Variants in HSD17B11 observed in about 807,000 individuals in gnomAD.
HSD17B11 encodes the protein hydroxysteroid 17-beta dehydrogenase 11, also known as estradiol 17-beta-dehydrogenase 11.
A neutral mutation model predicts 27.8 loss-of-function variants in HSD17B11; 22 were observed. The observed-to-expected ratio is 0.79, with a 90% confidence interval of 0.56 to 1.13. The LOEUF is 1.13. Ranked by LOEUF, HSD17B11 falls within the 50% of genes most tolerant of loss-of-function variation. The pLI is 0.00. For missense variants in HSD17B11, 314 were observed against 351.1 expected, an observed-to-expected ratio of 0.89 and a Z score of 0.84; for synonymous variants, 117 against 132.8, an observed-to-expected ratio of 0.88 and a Z score of 0.82.
At chr4:87,379,392 C>G (rs779549189) in intron 2 of HSD17B11, among the ~76,000 whole-genome samples, 1 of 149,898 alleles carries the variant, frequency 6.7e-6, no homozygotes, top group Non-Finnish European at 1.5e-5. Context: ...CTTGCTTGTA[C>G]CTAACTAACT....
chr4:87,381,259 T>A (rs1439878990), intron 2 of HSD17B11, among the ~76,000 whole-genome samples: 7 of 149,978 alleles, frequency 4.7e-5, no homozygotes, highest in Non-Finnish European at 5.9e-5. Flanking sequence ...TCTTGCTGAA[T>A]CACACTTTTT....
At position 87,370,752 on chromosome 4, in the gene HSD17B11, A is replaced by ATTATT. The variant is rs1339921761; in HGVS notation, c.557+1952_557+1956dup. On this transcript the variant is annotated intron_variant, in intron 4 of 6. Coordinates refer to ENST00000358290, the MANE Select transcript of HSD17B11 (RefSeq NM_016245.5). ...TATTATTATTATTATTATTATTATTATTATTTTTTTTTTTTTTTGAGACGG... is the reference window on the plus strand; with the variant it reads ...TATTATTATTATTATTATTATTATTATTATTTTATTTTTTTTTTTTTTTGAGACGG... 1.3e-4 allele frequency among the ~76,000 whole-genome samples: 7 copies of ATTATT among 53,048 alleles called. No individual in the cohort carries two copies. In the African/African-American group the frequency reaches 1.5e-3, roughly 11 times the overall value. 34.8% of individuals were successfully genotyped at this position (53,048 alleles called of 152,430 possible). A position where few individuals can be genotyped will look rare whatever the true frequency, so the allele number is the denominator to read the frequency against.
intron 5 of HSD17B11, among the ~76,000 whole-genome samples, chr4:87,344,443 T>A (rs1735230106): frequency 6.6e-6 from 1 of 152,142 alleles, no homozygotes; most frequent in Admixed American, 6.5e-5. Flanking sequence ...GAAAAAAACA[T>A]TTAACTAAAA....
chr4:87,340,383 CCATTT>C (rs1320818179), intron 6 of HSD17B11, 102 bp downstream of exon 6: 12 of 654,932 alleles, frequency 1.8e-5, no homozygotes, highest in Middle Eastern at 4.1e-4. Context: ...TAAGTCAATT[CCATTT>C]AACTGTACTT....
chr4:87,342,428 C>T (rs1735187527), intron 5 of HSD17B11, among the ~76,000 whole-genome samples: 1 of 150,412 alleles, frequency 6.6e-6, no homozygotes, highest in South Asian at 2.1e-4. Flanking sequence ...CTGGATGTGC[C>T]AGGCAGAGTG....
At chr4:87,344,790 A>G (rs1342481297) in intron 5 of HSD17B11, among the ~76,000 whole-genome samples, 7 of 152,362 alleles carry the variant, frequency 4.6e-5, no homozygotes, top group Admixed American at 3.9e-4. Context: ...TTAAAGTTAT[A>G]CAAACTATGT....
chr4:87,358,861 T>C (rs1159592124), intron 4 of HSD17B11, among the ~76,000 whole-genome samples: 4 of 152,194 alleles, frequency 2.6e-5, no homozygotes, highest in Non-Finnish European at 4.4e-5. Context: ...GGTTTGGCTG[T>C]GTCCCCACCC....
At position 87,357,226 on chromosome 4, in the gene HSD17B11, T is replaced by C. The variant is rs1735404297; in HGVS notation, c.695+53A>G. On this transcript the variant is annotated intron_variant, in intron 5 of 6. Coordinates refer to ENST00000358290, the MANE Select transcript of HSD17B11 (RefSeq NM_016245.5). Reference sequence around the variant, plus strand: ...AAAACATTTAGGAAAACCCACAGAATGGCTGGTATTCATAGCAACCACCAA... The same window carrying C: ...AAAACATTTAGGAAAACCCACAGAACGGCTGGTATTCATAGCAACCACCAA... 4 of 1,563,636 alleles carry C rather than the reference T, an allele frequency of 2.6e-6. No homozygotes were observed. In the African/African-American group the frequency reaches 5.5e-5, roughly 22 times the overall value.
intron 2 of HSD17B11, among the ~76,000 whole-genome samples, chr4:87,378,928 A>T (rs1430918698): frequency 8.2e-5 from 1 of 12,160 alleles, no homozygotes; most frequent in Admixed American, 1.3e-3. Context: ...AAATATATAT[A>T]AATATATATA....
intron 1 of HSD17B11, among the ~76,000 whole-genome samples, chr4:87,389,624 A>G (rs952434272): frequency 4.6e-5 from 7 of 152,226 alleles, no homozygotes; most frequent in African/African-American, 1.7e-4. Flanking sequence ...AGCAGCAGAC[A>G]GTCATTATTT....
intron 2 of HSD17B11, among the ~76,000 whole-genome samples, chr4:87,381,505 C>T (rs1424017267): frequency 2.0e-5 from 3 of 152,038 alleles, no homozygotes; most frequent in Non-Finnish European, 4.4e-5. Context: ...TGCCTATAAT[C>T]CCAGGACTTT....
At chr4:87,353,976 C>T (rs1578035683) in intron 5 of HSD17B11, among the ~76,000 whole-genome samples, 2 of 152,234 alleles carry the variant, frequency 1.3e-5, no homozygotes, top group East Asian at 3.9e-4. Flanking sequence ...CATATCTGTC[C>T]CTTCTCTTCT....
chr4:87,389,607 A>C (rs920997877), intron 1 of HSD17B11, among the ~76,000 whole-genome samples: 27 of 152,160 alleles, frequency 1.8e-4, no homozygotes, highest in African/African-American at 5.6e-4. Flanking sequence ...CCTATCCCTA[A>C]TGTCTAAGCA....
chr4:87,389,965 T>G (rs1474874273), intron 1 of HSD17B11, among the ~76,000 whole-genome samples: 1 of 152,148 alleles, frequency 6.6e-6, no homozygotes, highest in Non-Finnish European at 1.5e-5. Context: ...AAAAATGTTT[T>G]TTAAAAAAAT....
intron 2 of HSD17B11, among the ~76,000 whole-genome samples, chr4:87,380,661 T>C (rs184006368): frequency 6.8e-5 from 10 of 147,852 alleles, no homozygotes; most frequent in Admixed American, 5.4e-4. Context: ...ATACAGACCA[T>C]CCTGGCTAAC....
chr4:87,340,373 TAA>T, intron 6 of HSD17B11, 115 bp downstream of exon 6: 1 of 597,278 alleles, frequency 1.7e-6, no homozygotes. Flanking sequence ...TTATTTTTAT[TAA>T]GTCAATTCCA....
At chr4:87,342,449 G>C (rs992734748) in intron 5 of HSD17B11, among the ~76,000 whole-genome samples, 1 of 150,150 alleles carries the variant, frequency 6.7e-6, no homozygotes, top group Non-Finnish European at 1.5e-5. Flanking sequence ...ACTCACGCCT[G>C]TAATCTTAGC....
intron 2 of HSD17B11, 32 bp from the exon 3 acceptor site, chr4:87,374,862 A>T (rs1287547980): frequency 1.8e-5 from 27 of 1,502,674 alleles, no homozygotes; most frequent in Middle Eastern, 2.3e-4. Flanking sequence ...AAGTAAATTC[A>T]TTAAGAGGTA....
At chr4:87,376,607 T>C in intron 2 of HSD17B11, among the ~76,000 whole-genome samples, 1 of 151,356 alleles carries the variant, frequency 6.6e-6, no homozygotes, top group East Asian at 1.9e-4. Context: ...TTCTAATATA[T>C]ATGCATGGTA....
Sources: gnomAD v4.1 joint callset for allele counts (sites outside exome capture counted in the v4.1 genomes callset) on GRCh38, gnomAD v4.1.1 for gene constraint, MANE v1.5 for transcripts, NCBI Gene and HGNC (gene_info 2026-07-23, HGNC 2026-07-21) for gene names.